The following SH3GL3 variants were observed in gnomAD, a reference collection of about 807,000 sequenced individuals.
SH3GL3 encodes endophilin-A3.
In SH3GL3, 33 loss-of-function variants were observed where a neutral mutation model predicts 47.7. That is an observed-to-expected ratio of 0.69 (90% CI 0.52 to 0.92). The LOEUF (loss-of-function observed/expected upper bound fraction) is 0.92, where lower values mean the gene tolerates loss of function less well. Among genes scored for constraint, SH3GL3 ranks in the 40% least tolerant of loss-of-function variants. The pLI is 0.00. For missense variants in SH3GL3, 363 were observed against 417.8 expected (o/e 0.87, Z 1.14); for synonymous variants, 155 against 148.8 (o/e 1.04, Z -0.30).
chr15:83,458,208 G>A (rs2040092627), intron 1 of SH3GL3, among the ~76,000 whole-genome samples: 1 of 152,218 alleles, frequency 6.6e-6, no homozygotes, highest in Admixed American at 6.5e-5. Flanking sequence ...CTGGGAAAGT[G>A]TTGAGCTGAG....
chr15:83,520,129 A>T (rs2043145958), intron 1 of SH3GL3, among the ~76,000 whole-genome samples: 1 of 152,168 alleles, frequency 6.6e-6, no homozygotes, highest in Admixed American at 6.5e-5. Flanking sequence ...ACCTGGAGTG[A>T]ACTGTGTTAG....
chr15:83,606,295 C>T (rs967139927), intron 8 of SH3GL3, among the ~76,000 whole-genome samples: 1 of 152,168 alleles, frequency 6.6e-6, no homozygotes, highest in Non-Finnish European at 1.5e-5. Context: ...CTTCACACTT[C>T]TAAGGCAGCT....
At chr15:83,607,093 A>G (rs568650771) in intron 8 of SH3GL3, among the ~76,000 whole-genome samples, 37 of 152,274 alleles carry the variant, frequency 2.4e-4, no homozygotes, top group Middle Eastern at 3.4e-3. Flanking sequence ...ACAGTCTGTA[A>G]AAAGAGTTTT....
At chr15:83,502,076 A>T (rs549191400) in intron 1 of SH3GL3, among the ~76,000 whole-genome samples, 1 of 152,374 alleles carries the variant, frequency 6.6e-6, no homozygotes, top group South Asian at 2.1e-4. Flanking sequence ...TAAAGTTTTA[A>T]TCAGAAGAAT....
intron 2 of SH3GL3, among the ~76,000 whole-genome samples, chr15:83,564,892 T>A (rs540975585): frequency 6.6e-6 from 1 of 152,284 alleles, no homozygotes; most frequent in East Asian, 1.9e-4. Flanking sequence ...TACCTTAATA[T>A]TCATTTTAAT....
At chr15:83,608,799 G>A (rs1446980608) in intron 8 of SH3GL3, among the ~76,000 whole-genome samples, 1 of 151,106 alleles carries the variant, frequency 6.6e-6, no homozygotes, top group Admixed American at 6.6e-5. Context: ...GATGGTGCAG[G>A]TACAGTCAAA....
intron 7 of SH3GL3, 69 bp downstream of exon 7, chr15:83,587,155 GTCTCTCCA>G: frequency 1.2e-6 from 1 of 803,314 alleles, no homozygotes; most frequent in Non-Finnish European, 2.0e-6. Flanking sequence ...CCATCTGTCT[GTCTCTCCA>G]TCTCTCCATC....
At chr15:83,509,022 T>C (rs1005621805) in intron 1 of SH3GL3, among the ~76,000 whole-genome samples, 1 of 152,328 alleles carries the variant, frequency 6.6e-6, no homozygotes, top group South Asian at 2.1e-4. Flanking sequence ...CATTGAGCAA[T>C]TGGTAAGGCT....
downstream of SH3GL3, among the ~76,000 whole-genome samples, chr15:83,620,147 C>T (rs985851589): frequency 6.6e-6 from 1 of 152,232 alleles, no homozygotes; most frequent in Non-Finnish European, 1.5e-5. Context: ...TTCTAGTTCT[C>T]CTGTTATTTC....
intron 2 of SH3GL3, 96 bp from the exon 3 acceptor site, chr15:83,565,038 G>GA: frequency 1.7e-6 from 1 of 579,540 alleles, no homozygotes; most frequent in South Asian, 2.4e-5. Context: ...AATCGTGTTA[G>GA]AAGAATTAAA....
intron 1 of SH3GL3, among the ~76,000 whole-genome samples, chr15:83,519,079 G>A (rs1420478480): frequency 6.6e-6 from 1 of 151,632 alleles, no homozygotes; most frequent in Non-Finnish European, 1.5e-5. Flanking sequence ...TAGCCTTATA[G>A]TACTGTTTGA....
chr15:83,600,134 C>T (rs2060342485), intron 8 of SH3GL3, among the ~76,000 whole-genome samples: 2 of 152,166 alleles, frequency 1.3e-5, no homozygotes, highest in South Asian at 4.1e-4. Context: ...TTCTCCCACT[C>T]TGTGGGTTGT....
intron 1 of SH3GL3, among the ~76,000 whole-genome samples, chr15:83,529,391 G>A (rs1038927207): frequency 6.6e-6 from 1 of 152,124 alleles, no homozygotes; most frequent in Non-Finnish European, 1.5e-5. Context: ...GGAGATAGTA[G>A]TACCAGTGGC....
At chr15:83,602,510 G>A (rs192604535) in intron 8 of SH3GL3, among the ~76,000 whole-genome samples, 1 of 152,122 alleles carries the variant, frequency 6.6e-6, no homozygotes, top group Non-Finnish European at 1.5e-5. Flanking sequence ...TTTTATAAGG[G>A]CACAAATCCT....
intron 1 of SH3GL3, among the ~76,000 whole-genome samples, chr15:83,461,776 C>T (rs1327239608): frequency 2.6e-5 from 4 of 151,992 alleles, no homozygotes; most frequent in Non-Finnish European, 5.9e-5. Flanking sequence ...ATTTGGCCTT[C>T]TTGCTTCAGA....
At chr15:83,519,141 T>G (rs2043108346) in intron 1 of SH3GL3, among the ~76,000 whole-genome samples, 1 of 152,218 alleles carries the variant, frequency 6.6e-6, no homozygotes, top group Non-Finnish European at 1.5e-5. Flanking sequence ...GTGATTGCTT[T>G]GGCTATTTGG....
intron 8 of SH3GL3, among the ~76,000 whole-genome samples, chr15:83,609,081 C>T (rs1009192105): frequency 6.6e-6 from 1 of 152,160 alleles, no homozygotes; most frequent in Non-Finnish European, 1.5e-5. Flanking sequence ...GATCCTGGCT[C>T]AGTTCATACC....
intron 1 of SH3GL3, among the ~76,000 whole-genome samples, chr15:83,508,209 G>A (rs2042594198): frequency 6.6e-6 from 1 of 152,038 alleles, no homozygotes; most frequent in Admixed American, 6.5e-5. Flanking sequence ...CAAAGTGCTG[G>A]GATTACAGGC....
At chr15:83,589,168 TAATC>T (rs911686570) in intron 8 of SH3GL3, among the ~76,000 whole-genome samples, 30 of 152,024 alleles carry the variant, frequency 2.0e-4, no homozygotes, top group South Asian at 2.1e-4. Flanking sequence ...TTTAGTAAAA[TAATC>T]AAACAGAAAA....
Sources: gnomAD v4.1 joint callset for allele counts (sites outside exome capture counted in the v4.1 genomes callset) on GRCh38, gnomAD v4.1.1 for gene constraint, MANE v1.5 for transcripts, NCBI Gene and HGNC (gene_info 2026-07-23, HGNC 2026-07-21) for gene names.